Variants in CNTNAP4 observed in about 807,000 individuals in gnomAD.
The protein encoded by CNTNAP4 is contactin-associated protein-like 4.
Under a neutral mutation model 148.4 loss-of-function variants are expected in CNTNAP4, and 98 were observed. That is an observed-to-expected ratio of 0.66 (90% CI 0.56 to 0.78). CNTNAP4 has a LOEUF of 0.78. CNTNAP4 is among the 30% of genes least tolerant of loss of function. The pLI is 0.00. For missense variants in CNTNAP4, 1,935 were observed against 1,565.6 expected (o/e 1.24, Z -3.98); for synonymous variants, 730 against 565.1 (o/e 1.29, Z -4.14).
intron 11 of CNTNAP4, among the ~76,000 whole-genome samples, chr16:76,476,385 C>G (rs1459615376): frequency 1.3e-5 from 2 of 152,142 alleles, no homozygotes; most frequent in Non-Finnish European, 2.9e-5. Flanking sequence ...GAAACATGCT[C>G]AGTTACCAAA....
At position 76,385,547 on chromosome 16, in the gene CNTNAP4, AGTGTGTGTGT is replaced by A. The variant is rs3035895; in HGVS notation, c.390+30057_390+30066del. On this transcript the variant is annotated intron_variant, in intron 3 of 23. Transcript: ENST00000611870. ...TACAAAAATTAACACTTTAATTAGA[AGTGTGTGTGT>A]GTGTGTGTGTGTGTGTGTGTAGAGA... Among the ~76,000 whole-genome samples the A allele has an allele frequency of 3.5e-3, 520 of 148,996 alleles. 3 individuals carry two copies. Among genetic ancestry groups the A allele is most frequent in the African/African-American group, 0.012 (502 of 40,590 alleles).
intron 3 of CNTNAP4, among the ~76,000 whole-genome samples, chr16:76,362,419 A>G (rs1158755899): frequency 6.6e-6 from 1 of 152,196 alleles, no homozygotes; most frequent in Admixed American, 6.5e-5. Context: ...ATTTATATAA[A>G]ACCAGAAATT....
chr16:76,538,322 G>T lies in CNTNAP4; in HGVS notation c.3202G>T (p.Val1068Leu). The T allele has an allele frequency of 6.2e-7, 1 of 1,602,816 alleles. No homozygotes were observed. ...VSSFYKEYLS[V>L]IIAKNGSLQI... ...CTCCTTTTACAAAGAATACCTTTCT[G>T]TGATCATTGCCAAAAATGGTGAGTT... The change falls in exon 19 of 24, where the codon GTG (valine) becomes TTG (leucine). Residue 1068 changes from valine (V) to leucine (L), a missense_variant. Transcript: ENST00000611870.
chr16:76,518,717 C>T (rs1372123502), intron 15 of CNTNAP4, among the ~76,000 whole-genome samples: 1 of 152,102 alleles, frequency 6.6e-6, no homozygotes, highest in Admixed American at 6.6e-5. Context: ...AGTCCTTTCT[C>T]CTAGCTATTT....
At chr16:76,327,450 A>C (rs1963105079) in intron 2 of CNTNAP4, among the ~76,000 whole-genome samples, 1 of 152,096 alleles carries the variant, frequency 6.6e-6, no homozygotes, top group Non-Finnish European at 1.5e-5. Context: ...TATTCAGTCC[A>C]TCATTGATGG....
chr16:76,443,536 A>G (rs903027042), intron 4 of CNTNAP4, among the ~76,000 whole-genome samples: 13 of 152,144 alleles, frequency 8.5e-5, no homozygotes, highest in African/African-American at 3.1e-4. Flanking sequence ...GGCTGCAGTG[A>G]GCTGAGATTA....
Position 76,277,652 on chromosome 16 carries a change from T to C in CNTNAP4, c.-11T>C. The C allele has an allele frequency of 6.3e-7, 1 of 1,589,424 alleles. No homozygotes were observed. Among genetic ancestry groups the C allele is most frequent in the Non-Finnish European group, 8.6e-7 (1 of 1,164,838 alleles). On this transcript the variant is annotated 5_prime_UTR_variant, in exon 1 of 24. Coordinates refer to ENST00000611870, the MANE Select transcript of CNTNAP4 (RefSeq NM_033401.5). ...CTCAAGATCTTTTGGGGGAGCCCAA[T>C]AAATGTGAACATGGGATCTGTCACG...
chr16:76,456,384 A>G (rs1024755315), intron 8 of CNTNAP4, among the ~76,000 whole-genome samples: 2 of 152,226 alleles, frequency 1.3e-5, no homozygotes, highest in African/African-American at 4.8e-5. Context: ...ATCTAGAAGG[A>G]TGAAATAACG....
chr16:76,515,622 A>G (rs2083215754), intron 15 of CNTNAP4, among the ~76,000 whole-genome samples: 1 of 152,172 alleles, frequency 6.6e-6, no homozygotes, highest in African/African-American at 2.4e-5. Flanking sequence ...AGATTTTGTT[A>G]TGGCAGCCTG....
At chr16:76,344,994 T>C (rs1340200216) in intron 2 of CNTNAP4, among the ~76,000 whole-genome samples, 1 of 152,156 alleles carries the variant, frequency 6.6e-6, no homozygotes, top group Non-Finnish European at 1.5e-5. Context: ...GACAGTGACA[T>C]CTGAGTCTGA....
intron 8 of CNTNAP4, among the ~76,000 whole-genome samples, chr16:76,460,526 C>T (rs1258204680): frequency 2.7e-5 from 4 of 148,080 alleles, no homozygotes; most frequent in Non-Finnish European, 1.5e-5. Flanking sequence ...CTTTGGGAAG[C>T]CGAGGCGGGT....
chr16:76,365,930 A>G (rs1315523798), intron 3 of CNTNAP4, among the ~76,000 whole-genome samples: 1 of 152,002 alleles, frequency 6.6e-6, no homozygotes, highest in East Asian at 1.9e-4. Context: ...TAGAATCCAA[A>G]CTAGATTAGA....
chr16:76,547,409 C>T (rs1404774524), intron 21 of CNTNAP4, among the ~76,000 whole-genome samples: 21 of 152,072 alleles, frequency 1.4e-4, no homozygotes. Flanking sequence ...AAAATCACTA[C>T]TCAAAAGTTG....
chr16:76,343,473 G>C (rs777374147), intron 2 of CNTNAP4, among the ~76,000 whole-genome samples: 17 of 151,884 alleles, frequency 1.1e-4, no homozygotes, highest in Non-Finnish European at 1.8e-4. Context: ...TCTTTTTCTT[G>C]GCAAATCCAG....
chr16:76,366,592 C>T (rs993371004), intron 3 of CNTNAP4, among the ~76,000 whole-genome samples: 4 of 152,070 alleles, frequency 2.6e-5, no homozygotes, highest in Non-Finnish European at 4.4e-5. Context: ...CTGCAGTAAA[C>T]ATTTGCGTGC....
At chr16:76,537,013 T>A (rs1568556085) in intron 18 of CNTNAP4, among the ~76,000 whole-genome samples, 1 of 152,218 alleles carries the variant, frequency 6.6e-6, no homozygotes, top group Admixed American at 6.5e-5. Context: ...TTTCAAGTCA[T>A]CTGCTTTTCT....
At chr16:76,374,634 A>G (rs2015217731) in intron 3 of CNTNAP4, among the ~76,000 whole-genome samples, 1 of 151,864 alleles carries the variant, frequency 6.6e-6, no homozygotes. Flanking sequence ...CAAACATTGA[A>G]TTTCCGTGTA....
At chr16:76,442,286 A>G (rs1597553321) in intron 4 of CNTNAP4, among the ~76,000 whole-genome samples, 1 of 152,152 alleles carries the variant, frequency 6.6e-6, no homozygotes, top group Non-Finnish European at 1.5e-5. Context: ...TAGAGACTTT[A>G]GAAGGAAAAA....
At chr16:76,470,643 G>A (rs887977751) in intron 10 of CNTNAP4, among the ~76,000 whole-genome samples, 6 of 150,880 alleles carry the variant, frequency 4.0e-5, no homozygotes, top group Non-Finnish European at 5.9e-5. Flanking sequence ...AGAGTGAAAC[G>A]CCGTCTCGAA....
Sources: gnomAD v4.1 joint callset for allele counts (sites outside exome capture counted in the v4.1 genomes callset) on GRCh38, gnomAD v4.1.1 for gene constraint, MANE v1.5 for transcripts, NCBI Gene and HGNC (gene_info 2026-07-23, HGNC 2026-07-21) for gene names.